Variants in INO80 observed in about 807,000 individuals in gnomAD.
INO80 encodes chromatin-remodeling ATPase INO80.
INO80 carries 20 observed loss-of-function variants against 203.4 expected under a neutral mutation model. The observed-to-expected ratio is 0.10, with a 90% confidence interval of 0.07 to 0.14. The LOEUF is 0.14. INO80 is among the 10% of genes least tolerant of loss of function. The probability of loss-of-function intolerance (pLI) is 1.00; values close to 1 mark genes in which losing one functional copy is unlikely to be tolerated. For synonymous variants in INO80, 726 were observed against 685.2 expected, an observed-to-expected ratio of 1.06 and a Z score of -0.93; for missense variants, 1,419 against 1,914.4, an observed-to-expected ratio of 0.74 and a Z score of 4.83.
chr15:41,003,070 A>C (rs1344249348), intron 28 of INO80, among the ~76,000 whole-genome samples: 1 of 152,078 alleles, frequency 6.6e-6, no homozygotes, highest in Non-Finnish European at 1.5e-5. Context: ...CAGTGAGCCA[A>C]GATCACGCCA....
chr15:41,074,663 CAACT>C, intron 9 of INO80, 98 bp from the exon 10 acceptor site: 1 of 777,804 alleles, frequency 1.3e-6, no homozygotes, highest in Non-Finnish European at 2.0e-6. Context: ...ATTCCTTTAC[CAACT>C]GTTTACTTTT....
At chr15:41,035,145 G>C (rs997853036) in intron 24 of INO80, among the ~76,000 whole-genome samples, 1 of 152,134 alleles carries the variant, frequency 6.6e-6, no homozygotes, top group African/African-American at 2.4e-5. Flanking sequence ...AACTAGTTAA[G>C]AACTAGTACT....
chr15:41,049,465 A>G (rs765529811), intron 20 of INO80, 45 bp from the exon 21 acceptor site: 1 of 1,579,876 alleles, frequency 6.3e-7, no homozygotes, highest in Admixed American at 1.7e-5. Context: ...ACATGCAGAC[A>G]TCATACGTAA....
intron 32 of INO80, among the ~76,000 whole-genome samples, 158 bp from the exon 33 acceptor site, chr15:40,984,510 G>A (rs1893949022): frequency 2.0e-5 from 3 of 152,226 alleles, no homozygotes; most frequent in South Asian, 4.2e-4. Context: ...AGGAAGAAGG[G>A]ATAGCTTAAC....
At chr15:41,057,565 G>C (rs1010079901) in intron 16 of INO80, among the ~76,000 whole-genome samples, 5 of 151,958 alleles carry the variant, frequency 3.3e-5, no homozygotes, top group Non-Finnish European at 5.9e-5. Flanking sequence ...GGGAGGCAGA[G>C]GCAGGTGGAT....
chr15:41,046,223 A>ATG (rs2044762398), intron 23 of INO80, among the ~76,000 whole-genome samples: 1 of 12,532 alleles, frequency 8.0e-5, no homozygotes, highest in Admixed American at 1.5e-3. Context: ...ATATATATAT[A>ATG]TATATATATA....
chr15:41,081,237 C>A (rs749703613), intron 7 of INO80, among the ~76,000 whole-genome samples, 164 bp from the exon 8 acceptor site: 1 of 152,090 alleles, frequency 6.6e-6, no homozygotes, highest in African/African-American at 2.4e-5. Context: ...CAACGCCATA[C>A]ATAAAACGAT....
At position 41,115,956 on chromosome 15, in the gene INO80, A is replaced by C. The variant is rs1169981165; in HGVS notation, c.-44+17T>G. On this transcript the variant is annotated intron_variant, in intron 1 of 35. Transcript: ENST00000648947. ...CAACCCCCACTCCGTTCGCCCGCCC[A>C]CGTCTAGTTGCCTCACCTCGGGCCG... 1 of 380,974 alleles carries C rather than the reference A, an allele frequency of 2.6e-6. No individual in the cohort carries two copies. The highest frequency in any genetic ancestry group is 3.8e-5 in the East Asian group (1 of 26,458). 23.6% of individuals were successfully genotyped at this position (380,974 alleles called of 1,614,324 possible).
chr15:41,115,990 C>A lies in INO80; in HGVS notation c.-61G>T, dbSNP rs2046029542. The A allele has an allele frequency of 2.6e-6, 1 of 386,488 alleles. No homozygotes were observed. The highest frequency in any genetic ancestry group is 2.1e-5 in the African/African-American group (1 of 48,026). The allele number at this position is 386,488 out of a possible 1,614,324, so 23.9% of individuals were successfully genotyped here. On this transcript the variant is annotated 5_prime_UTR_variant, in exon 1 of 36. Coordinates refer to ENST00000648947, the MANE Select transcript of INO80 (RefSeq NM_017553.3). The stretch of plus-strand genomic sequence containing the variant: ...TGCCTCACCTCGGGCCGCCTGGCCC[C>A]GCCGCCGCGACGGCGGCGGAGGGGG...
At chr15:41,052,986 T>C (rs1039174000) in intron 19 of INO80, among the ~76,000 whole-genome samples, 4 of 151,988 alleles carry the variant, frequency 2.6e-5, no homozygotes, top group African/African-American at 9.7e-5. Flanking sequence ...TAAGCCAAGA[T>C]TGTGTCACTG....
chr15:41,095,883 G>A lies in INO80; in HGVS notation c.189C>T (p.Pro63=). 1.2e-6 allele frequency: 2 copies of A among 1,613,882 alleles called. No homozygotes were observed. The highest frequency in any genetic ancestry group is 1.7e-6 in the Non-Finnish European group (2 of 1,179,906). Residue 63 remains proline (P), a synonymous_variant, in exon 3 of 36, where the codon CCC becomes CCT. Transcript: ENST00000648947. ...CTTGTATTAAGGGATCCCCAGACTG[G>A]GGCAATAATGGATTACTGTCATCCA... is the stretch of plus-strand genomic sequence containing the variant. The part of the protein sequence containing the change: ...DGLDDSNPLL[P]QSGDPLIQVK...
chr15:41,096,445 CCTT>C, intron 1 of INO80, 92 bp from the exon 2 acceptor site: 2 of 836,066 alleles, frequency 2.4e-6, no homozygotes, highest in Non-Finnish European at 3.4e-6. Context: ...AGAAATCAGA[CCTT>C]CTAGAACACA....
intron 9 of INO80, among the ~76,000 whole-genome samples, chr15:41,077,333 GA>G (rs1162587179): frequency 1.4e-5 from 1 of 70,556 alleles, no homozygotes; most frequent in Admixed American, 1.5e-4. Flanking sequence ...TCTCCCAAAA[GA>G]AAAACAATAC....
intron 25 of INO80, chr15:41,023,302 G>A (rs1055811392): frequency 3.7e-5 from 17 of 455,790 alleles, no homozygotes; most frequent in African/African-American, 3.4e-4. Context: ...CCAGCAGATC[G>A]TGGGTCAGAG....
intron 1 of INO80, among the ~76,000 whole-genome samples, chr15:41,096,795 C>T (rs2045731624): frequency 6.6e-6 from 1 of 152,170 alleles, no homozygotes; most frequent in South Asian, 2.1e-4. Flanking sequence ...GTGCTGCCCT[C>T]TTCATTTTGA....
Position 41,049,300 on chromosome 15 carries a change from G to A in INO80, c.2563C>T (p.His855Tyr), listed in dbSNP as rs1327876922. The A allele has an allele frequency of 6.2e-7, 1 of 1,612,142 alleles. No individual in the cohort carries two copies. The highest frequency in any genetic ancestry group is 1.7e-5 in the Admixed American group (1 of 59,782). ...ATACTTCCCTACCTGTCTCGTGAAT[G>A]ATTGAAGACCCTGATCTGTCCATGA... is the stretch of plus-strand genomic sequence containing the variant. ...YRHGQIRVFN[H>Y]SRDRWLRVLS... Residue 855 changes from histidine to tyrosine, a missense_variant, in exon 21 of 36, where the codon CAT (histidine) becomes TAT (tyrosine). By Grantham distance (83) the His-to-Tyr change is moderately conservative (BLOSUM62 2). Coordinates refer to ENST00000648947, the MANE Select transcript of INO80 (RefSeq NM_017553.3).
At position 41,116,249 on chromosome 15, in the gene INO80, G is replaced by C. The variant is rs1338904904; in HGVS notation, c.-320C>G. On this transcript the variant is annotated 5_prime_UTR_variant, in exon 1 of 36. Coordinates refer to ENST00000648947, the MANE Select transcript of INO80 (RefSeq NM_017553.3). ...TGAGAGGAGCGGAGCAGGGACACGG[G>C]GAGCCATGGCGGGGGGGAGGAGAGG... 2.5e-6 allele frequency: 1 copy of C among 400,624 alleles called. No individual in the cohort carries two copies. The highest frequency in any genetic ancestry group is 4.4e-6 in the Non-Finnish European group (1 of 227,950). 24.8% of individuals were successfully genotyped at this position (400,624 alleles called of 1,614,324 possible). A position where few individuals can be genotyped will look rare whatever the true frequency, so the allele number is the denominator to read the frequency against.
chr15:40,983,837 C>G lies in INO80; in HGVS notation c.4162G>C (p.Ala1388Pro), dbSNP rs149995664. Residue 1388 changes from alanine (A) to proline (P), a missense_variant, in exon 34 of 36, where the codon GCC becomes CCC. Ala to Pro is a conservative substitution (Grantham distance 27). This residue lies in a region of INO80 where 214 missense variants were observed against 248.9 expected (regional missense o/e 0.86). Transcript: ENST00000648947. ...SDMLVIVDDP[A>P]SSAPQSRATN... is the part of the protein sequence containing the mutation. The stretch of plus-strand genomic sequence containing the variant: ...GCTCGAGACTGAGGGGCTGAGGAGG[C>G]TGGGTCATCCACAATGACCAGCATG... 6.2e-4 allele frequency: 995 copies of G among 1,612,940 alleles called. No individual in the cohort carries two copies. The highest frequency in any genetic ancestry group is 7.3e-4 in the Non-Finnish European group (858 of 1,179,886).
intron 1 of INO80, among the ~76,000 whole-genome samples, chr15:41,115,575 C>A (rs1432378459): frequency 6.6e-6 from 1 of 152,162 alleles, no homozygotes; most frequent in Non-Finnish European, 1.5e-5. Context: ...ACAACCTTCA[C>A]GGGGTTCCCA....
Sources: allele counts gnomAD v4.1 joint callset (sites outside exome capture counted in the v4.1 genomes callset), GRCh38; gene constraint gnomAD v4.1.1; regional missense constraint gnomAD v4.1.1; transcripts MANE v1.5; gene names NCBI Gene and HGNC (gene_info 2026-07-23, HGNC 2026-07-21).